Variants in RAP1GAP2 observed in about 807,000 individuals in gnomAD.
The protein encoded by RAP1GAP2 is RAP1 GTPase activating protein 2.
In RAP1GAP2, 27 loss-of-function variants were observed where a neutral mutation model predicts 95.0. That is an observed-to-expected ratio of 0.28 (90% CI 0.21 to 0.39). RAP1GAP2 has a LOEUF of 0.39. RAP1GAP2 is among the 10% of genes least tolerant of loss of function. The probability of loss-of-function intolerance (pLI) is 1.00; values close to 1 mark genes in which losing one functional copy is unlikely to be tolerated. For missense variants in RAP1GAP2, 771 were observed against 970.0 expected (o/e 0.79, Z 2.72); for synonymous variants, 373 against 380.9 (o/e 0.98, Z 0.24).
chr17:2,846,361 A>G (rs1186293137), intron 2 of RAP1GAP2, among the ~76,000 whole-genome samples: 2 of 152,022 alleles, frequency 1.3e-5, no homozygotes, highest in Non-Finnish European at 2.9e-5. Flanking sequence ...GGGATGTACC[A>G]CAGCTTGTTG....
Position 2,927,360 on chromosome 17 carries a change from A to G in RAP1GAP2, c.165+21992A>G, listed in dbSNP as rs535195558. ...AGTAGAGACGGGGTTTCACCGTGTT[A>G]GCCAGGATGGTCTCGATCTCCTGAC... On this transcript the variant is annotated intron_variant, in intron 3 of 24. Transcript: ENST00000254695. 6.3e-4 allele frequency among the ~76,000 whole-genome samples: 95 copies of G among 151,190 alleles called. 1 individual carries two copies. The highest frequency in any genetic ancestry group is 1.7e-3 in the South Asian group (8 of 4,780).
intron 2 of RAP1GAP2, among the ~76,000 whole-genome samples, chr17:2,831,291 G>A (rs995654904): frequency 2.0e-5 from 3 of 150,462 alleles, no homozygotes; most frequent in Admixed American, 6.7e-5. Context: ...TGGCCAGGCT[G>A]GTCTTGAACT....
chr17:2,787,781 A>G (rs1290065378), intron 1 of RAP1GAP2, among the ~76,000 whole-genome samples: 2 of 151,798 alleles, frequency 1.3e-5, no homozygotes, highest in Non-Finnish European at 1.5e-5. Context: ...GTTGGCCAGG[A>G]TGGTTTCAAT....
intron 2 of RAP1GAP2, among the ~76,000 whole-genome samples, chr17:2,851,754 G>T (rs1443274932): frequency 1.3e-5 from 2 of 152,096 alleles, no homozygotes; most frequent in Admixed American, 1.3e-4. Flanking sequence ...TAGTTGTTTG[G>T]AGAGGTGGGG....
intron 3 of RAP1GAP2, among the ~76,000 whole-genome samples, chr17:2,939,743 G>A (rs9913267): frequency 0.11 from 16,441 of 152,284 alleles, 1,069 homozygotes; most frequent in Middle Eastern, 0.17. Context: ...CCCAGTGGGC[G>A]TCCATTCATC....
intron 2 of RAP1GAP2, among the ~76,000 whole-genome samples, chr17:2,841,935 G>A (rs1317405624): frequency 1.3e-5 from 2 of 152,178 alleles, no homozygotes; most frequent in Non-Finnish European, 2.9e-5. Context: ...AGGCAGGTGA[G>A]GAGACCTGGG....
rs754771938 is a variant in RAP1GAP2 at position 2,998,265 on chromosome 17, C to G, written c.1089C>G (p.Ile363Met). 14 of 1,613,910 alleles carry G rather than the reference C, an allele frequency of 8.7e-6. No homozygotes were observed. The highest frequency in any genetic ancestry group is 1.3e-5 in the African/African-American group (1 of 74,958). ...RHIGNDIVAI[I>M]FQEENTPFVP... Reference sequence around the variant, plus strand: ...TTGGAAATGACATCGTGGCCATCATCTTCCAAGAGGAAAACACGCCGTTTG... The same window carrying G: ...TTGGAAATGACATCGTGGCCATCATGTTCCAAGAGGAAAACACGCCGTTTG... The change falls in exon 14 of 25, where the codon ATC becomes ATG. Residue 363 changes from isoleucine (I) to methionine (M), a missense_variant. By Grantham distance (10) the Ile-to-Met change is conservative. Transcript: ENST00000254695.
At chr17:2,891,892 C>T (rs147543824) in intron 2 of RAP1GAP2, among the ~76,000 whole-genome samples, 51 of 123,828 alleles carry the variant, frequency 4.1e-4, no homozygotes, top group Non-Finnish European at 7.4e-4. Context: ...GATGTGATCT[C>T]GGCTCACTGC....
At chr17:2,881,959 T>A (rs2073314155) in intron 2 of RAP1GAP2, among the ~76,000 whole-genome samples, 1 of 151,940 alleles carries the variant, frequency 6.6e-6, no homozygotes, top group South Asian at 2.1e-4. Context: ...TAGCTGGGAC[T>A]ACAGGTGCCT....
rs571487465 is a variant in RAP1GAP2, at chr17:2,840,266, C to A, written c.80+39716C>A. Among the ~76,000 whole-genome samples the A allele has an allele frequency of 3.4e-5, 5 of 148,714 alleles. 1 individual carries two copies. The East Asian group carries it at 1.0e-3, about 31-fold the overall frequency. On this transcript the variant is annotated intron_variant, in intron 2 of 24. Transcript: ENST00000254695. Reference sequence around the variant, plus strand: ...GCGACCCCCACCTCCTGGATTCAAGCGATTCTCCTGCCTCAGCCTCCCGAG... The same window carrying A: ...GCGACCCCCACCTCCTGGATTCAAGAGATTCTCCTGCCTCAGCCTCCCGAG...
At chr17:2,958,874 G>A (rs2044212111) in intron 4 of RAP1GAP2, among the ~76,000 whole-genome samples, 1 of 152,112 alleles carries the variant, frequency 6.6e-6, no homozygotes, top group Non-Finnish European at 1.5e-5. Flanking sequence ...CTGTTTGAAG[G>A]GAAAGTATTG....
intron 10 of RAP1GAP2, among the ~76,000 whole-genome samples, chr17:2,982,253 C>T (rs1244412575): frequency 1.3e-5 from 2 of 152,232 alleles, no homozygotes; most frequent in African/African-American, 2.4e-5. Flanking sequence ...ATTCTCCTGC[C>T]TCAGCCTCCC....
Position 2,854,326 on chromosome 17 carries a change from G to A in RAP1GAP2, c.81-50958G>A, listed in dbSNP as rs548809526. On this transcript the variant is annotated intron_variant, in intron 2 of 24. Coordinates refer to ENST00000254695, the MANE Select transcript of RAP1GAP2 (RefSeq NM_015085.5). Reference sequence around the variant, plus strand: ...GGAATCGGAGGGCCGCTGGGAGGGCGCATCGGGGTGGATCCCTGACGGAGG... The same window carrying A: ...GGAATCGGAGGGCCGCTGGGAGGGCACATCGGGGTGGATCCCTGACGGAGG... Among the ~76,000 whole-genome samples, 198 of 152,336 alleles carry A rather than the reference G, an allele frequency of 1.3e-3. 1 individual carries two copies. The highest frequency in any genetic ancestry group is 4.7e-3 in the African/African-American group (194 of 41,598).
intron 17 of RAP1GAP2, among the ~76,000 whole-genome samples, chr17:3,010,325 C>G (rs1280061671): frequency 9.7e-6 from 1 of 103,606 alleles, no homozygotes; most frequent in Non-Finnish European, 1.7e-5. Flanking sequence ...GGAGACAGGG[C>G]GAGACTGTCT....
At chr17:2,817,019 G>T (rs1237971530) in intron 2 of RAP1GAP2, among the ~76,000 whole-genome samples, 4 of 74,088 alleles carry the variant, frequency 5.4e-5, no homozygotes, top group Admixed American at 5.4e-4. Context: ...ATGGGGTCTT[G>T]CTCTGTTGCC....
intron 3 of RAP1GAP2, among the ~76,000 whole-genome samples, chr17:2,932,814 C>T (rs1326275209): frequency 2.4e-5 from 1 of 42,002 alleles, no homozygotes; most frequent in Admixed American, 3.4e-4. Context: ...AAGACTCCAT[C>T]TCAAAAAAAG....
Position 3,004,229 on chromosome 17 carries a change from C to T in RAP1GAP2, c.1201-1140C>T, listed in dbSNP as rs938137047. 6.6e-6 allele frequency among the ~76,000 whole-genome samples: 1 copy of T among 152,242 alleles called. No individual in the cohort carries two copies. The highest frequency in any genetic ancestry group is 1.5e-5 in the Non-Finnish European group (1 of 68,038). Reference sequence around the variant, plus strand: ...AGAAATCACGTCAGCCGAACGCGCACCATTTCCTGACTCGGGGCACTGCAG... The same window carrying T: ...AGAAATCACGTCAGCCGAACGCGCATCATTTCCTGACTCGGGGCACTGCAG... On this transcript the variant is annotated intron_variant, in intron 14 of 24. Coordinates refer to ENST00000254695, the MANE Select transcript of RAP1GAP2 (RefSeq NM_015085.5). The surrounding 1 kb of genome is among the most constrained non-coding windows in gnomAD (Gnocchi z 4.1).
chr17:2,927,424 A>G lies in RAP1GAP2; in HGVS notation c.165+22056A>G, dbSNP rs538739726. ...CGCCTTGGCCTCCCAAAGTGCTGGG[A>G]TTACAGGCGTGAGCCACCGCGCCCG... On this transcript the variant is annotated intron_variant, in intron 3 of 24. Transcript: ENST00000254695. 3.4e-3 allele frequency among the ~76,000 whole-genome samples: 515 copies of G among 152,242 alleles called. 5 individuals carry two copies. Among genetic ancestry groups the G allele is most frequent in the African/African-American group, 0.011 (477 of 41,554 alleles).
Position 2,903,176 on chromosome 17 carries a change from G to A in RAP1GAP2, c.81-2108G>A, listed in dbSNP as rs1396198429. The stretch of plus-strand genomic sequence containing the variant: ...CTTGCTGGGCTCCTAGCCTTACAGG[G>A]GAGCAGCTGTCATTCTCACCATGGG... On this transcript the variant is annotated intron_variant, in intron 2 of 24. Coordinates refer to ENST00000254695, the MANE Select transcript of RAP1GAP2 (RefSeq NM_015085.5). The surrounding 1 kb of genome is among the most constrained non-coding windows in gnomAD (Gnocchi z 4.1). Among the ~76,000 whole-genome samples, 1 of 152,154 alleles carries A rather than the reference G, an allele frequency of 6.6e-6. No homozygotes were observed. Among genetic ancestry groups the A allele is most frequent in the East Asian group, 1.9e-4 (1 of 5,194 alleles).
Sources: gnomAD v4.1 joint callset for allele counts (sites outside exome capture counted in the v4.1 genomes callset) on GRCh38, gnomAD v4.1.1 for gene constraint, Gnocchi (gnomAD v3.1) non-coding constraint, MANE v1.5 for transcripts, NCBI Gene and HGNC (gene_info 2026-07-23, HGNC 2026-07-21) for gene names.